TBC1D30: variants seen among roughly 807,000 people sequenced by gnomAD.
The protein encoded by TBC1D30 is TBC1 domain family, member 30.
A neutral mutation model predicts 63.2 loss-of-function variants in TBC1D30; 31 were observed. The ratio of observed to expected loss-of-function variants is 0.49; its 90% CI spans 0.37 to 0.66. TBC1D30 has a LOEUF of 0.66. Among genes scored for constraint, TBC1D30 ranks in the 30% least tolerant of loss-of-function variants. TBC1D30 has a pLI of 0.00. For missense variants in TBC1D30, 810 were observed against 953.6 expected (o/e 0.85, Z 1.98); for synonymous variants, 307 against 361.5 (o/e 0.85, Z 1.71).
chr12:64,855,558 G>C (rs1263434284), intron 8 of TBC1D30, among the ~76,000 whole-genome samples: 1 of 151,744 alleles, frequency 6.6e-6, no homozygotes, highest in Non-Finnish European at 1.5e-5. Flanking sequence ...TTTTCATATA[G>C]CCTGTCTTCA....
Position 64,875,074 on chromosome 12 carries a change from A to G in TBC1D30, c.1572A>G (p.Gly524=), listed in dbSNP as rs10161074. The change falls in exon 12 of 12, where the codon GGA becomes GGG. Residue 524 remains glycine, a synonymous_variant. Coordinates refer to ENST00000539867, the MANE Select transcript of TBC1D30 (RefSeq NM_015279.2). The stretch of plus-strand genomic sequence containing the variant: ...CAGTTATAAACCACCTTCTTTTAGG[A>G]AAGAAGATGAAAATGACTAACAGAG... ...SSPVINHLLL[G]KKMKMTNRAA... 12,459 of 1,536,562 alleles carry G rather than the reference A, an allele frequency of 8.1e-3. 869 individuals carry two copies. The African/African-American group carries it at 0.15, about 19-fold the overall frequency.
At chr12:64,771,454 A>T (rs148290223) in intron 1 of TBC1D30, among the ~76,000 whole-genome samples, 1 of 152,198 alleles carries the variant, frequency 6.6e-6, no homozygotes, top group Non-Finnish European at 1.5e-5. Context: ...GTTGGTCAGG[A>T]CCAGCATTAA....
chr12:64,852,355 G>T (rs1222613163), intron 8 of TBC1D30, among the ~76,000 whole-genome samples: 1 of 152,034 alleles, frequency 6.6e-6, no homozygotes, highest in African/African-American at 2.4e-5. Context: ...GCTCCATCAG[G>T]TCATTTATGT....
chr12:64,830,514 G>A lies in TBC1D30; in HGVS notation c.408+12G>A. The A allele has an allele frequency of 6.6e-7, 1 of 1,518,936 alleles. No homozygotes were observed. 94.1% of individuals were successfully genotyped at this position (1,518,936 alleles called of 1,614,324 possible). The stretch of plus-strand genomic sequence containing the variant: ...TTCAGATAGTCAAGGTAATGCCCCT[G>A]AACTTGGCCTGTCATCCTAATATAG... On this transcript the variant is annotated intron_variant, in intron 4 of 11. Coordinates refer to ENST00000539867, the MANE Select transcript of TBC1D30 (RefSeq NM_015279.2).
At position 64,807,711 on chromosome 12, in the gene TBC1D30, T is replaced by A. The variant is rs141907430; in HGVS notation, c.644-20124T>A. ...GCATCCTTTCCCAAACTGGTTTTTT[T>A]ACCAGTTTAAAAAATTTTACCAATT... On this transcript the variant is annotated intron_variant, in intron 2 of 12. Transcript: ENST00000542120. Among the ~76,000 whole-genome samples, 3 of 152,230 alleles carry A rather than the reference T, an allele frequency of 2.0e-5. No individual in the cohort carries two copies. In the East Asian group the frequency reaches 5.8e-4, roughly 29 times the overall value.
chr12:64,791,419 G>A (rs1375886021), intron 2 of TBC1D30, among the ~76,000 whole-genome samples: 1 of 152,168 alleles, frequency 6.6e-6, no homozygotes, highest in Non-Finnish European at 1.5e-5. Context: ...ACCCATGGAA[G>A]CTTTGGAAAA....
intron 2 of TBC1D30, among the ~76,000 whole-genome samples, chr12:64,798,558 A>G (rs878987966): frequency 1.3e-5 from 2 of 152,222 alleles, no homozygotes; most frequent in Admixed American, 1.3e-4. Context: ...TCTCAAGACA[A>G]GGACTCGTTT....
At chr12:64,823,605 G>T (rs1359889191), upstream of TBC1D30, among the ~76,000 whole-genome samples, 1 of 152,084 alleles carries the variant, frequency 6.6e-6, no homozygotes, top group Non-Finnish European at 1.5e-5. Flanking sequence ...AGGAATACAG[G>T]TGTGAGCCAC....
At position 64,866,866 on chromosome 12, in the gene TBC1D30, G is replaced by A; in HGVS notation, c.1254G>A (p.Leu418=). 1 of 1,536,248 alleles carries A rather than the reference G, an allele frequency of 6.5e-7. No individual in the cohort carries two copies. The highest frequency in any genetic ancestry group is 8.7e-7 in the Non-Finnish European group (1 of 1,146,936). ...VGCLGPFSGF[L]APELQKYQKQ... is the part of the protein sequence containing the mutation. ...GTCTTGGACCTTTTAGTGGGTTCCT[G>A]GCTCCTGAACTGCAGAAGTACCAAA... The change falls in exon 10 of 12, where the codon CTG becomes CTA. Residue 418 remains leucine (L), a synonymous_variant. Transcript: ENST00000539867.
In TBC1D30 at chr12:64,875,162, T is replaced by C. The variant is rs998503201; in HGVS notation, c.1660T>C (p.Tyr554His). The C allele has an allele frequency of 6.5e-7, 1 of 1,536,354 alleles. No individual in the cohort carries two copies. The highest frequency in any genetic ancestry group is 8.7e-7 in the Non-Finnish European group (1 of 1,146,926). ...AGGAGGGAAAATATCTCCTGTCCCC[T>C]ACGAAGACCTTAAGACGAAGCTCAA... is the stretch of plus-strand genomic sequence containing the variant. ...HTGGKISPVPYEDLKTKLNSP... is the reference protein window; with the variant it reads ...HTGGKISPVPHEDLKTKLNSP... The change falls in exon 12 of 12, where the codon TAC becomes CAC. Residue 554 changes from tyrosine (Y) to histidine (H), a missense_variant. Around this residue, in one of 4 missense-constraint regions of TBC1D30, gnomAD observed 450 missense variants for 473.0 expected, o/e 0.95. Coordinates refer to ENST00000539867, the MANE Select transcript of TBC1D30 (RefSeq NM_015279.2).
chr12:64,857,515 A>AG (rs1056416161), intron 8 of TBC1D30, among the ~76,000 whole-genome samples: 2 of 152,212 alleles, frequency 1.3e-5, no homozygotes, highest in Admixed American at 1.3e-4. Context: ...AGCAGAAGGA[A>AG]GGAGTCACTT....
intron 8 of TBC1D30, among the ~76,000 whole-genome samples, chr12:64,852,310 G>A (rs2136427910): frequency 6.6e-6 from 1 of 152,068 alleles, no homozygotes; most frequent in Admixed American, 6.5e-5. Flanking sequence ...TGACACTTGT[G>A]TATACTTCAC....
chr12:64,819,939 G>C (rs1386375931), upstream of TBC1D30, among the ~76,000 whole-genome samples: 2 of 152,108 alleles, frequency 1.3e-5, no homozygotes, highest in Non-Finnish European at 2.9e-5. Flanking sequence ...CACTAGATCT[G>C]GTGGTCTGAT....
chr12:64,860,561 G>T (rs1054421120), intron 8 of TBC1D30, among the ~76,000 whole-genome samples: 1 of 152,006 alleles, frequency 6.6e-6, no homozygotes, highest in African/African-American at 2.4e-5. Flanking sequence ...GTTACTCAGT[G>T]AATACACAGA....
At chr12:64,850,332 G>C (rs1293857096) in intron 8 of TBC1D30, among the ~76,000 whole-genome samples, 1 of 152,172 alleles carries the variant, frequency 6.6e-6, no homozygotes, top group Non-Finnish European at 1.5e-5. Flanking sequence ...GATGAGAGAG[G>C]GTATCCTTGT....
chr12:64,774,266 AAAC>A, intron 1 of TBC1D30, among the ~76,000 whole-genome samples: 3 of 152,238 alleles, frequency 2.0e-5, no homozygotes, highest in African/African-American at 7.2e-5. Context: ...GGAATGAACA[AAAC>A]GTCTGAGAAA....
intron 2 of TBC1D30, among the ~76,000 whole-genome samples, chr12:64,789,044 A>G (rs540051823): frequency 6.6e-5 from 10 of 152,298 alleles, no homozygotes; most frequent in African/African-American, 2.4e-4. Flanking sequence ...AGATTTCACT[A>G]TCACACTGAA....
intron 7 of TBC1D30, among the ~76,000 whole-genome samples, chr12:64,843,020 T>C (rs984164252): frequency 2.0e-5 from 3 of 152,218 alleles, no homozygotes; most frequent in African/African-American, 7.2e-5. Flanking sequence ...CCCCCTGCCC[T>C]TTTTTGAGAC....
At chr12:64,788,370 A>G (rs1262702846) in intron 2 of TBC1D30, among the ~76,000 whole-genome samples, 2 of 152,122 alleles carry the variant, frequency 1.3e-5, no homozygotes, top group Non-Finnish European at 2.9e-5. Flanking sequence ...TCTCCTTTCA[A>G]CTATGTTTAT....
Sources: allele counts gnomAD v4.1 joint callset (sites outside exome capture counted in the v4.1 genomes callset), GRCh38; gene constraint gnomAD v4.1.1; regional missense constraint gnomAD v4.1.1; transcripts MANE v1.5; gene names NCBI Gene and HGNC (gene_info 2026-07-23, HGNC 2026-07-21).